Variants in PIEZO2 observed in about 807,000 individuals in gnomAD.
PIEZO2 encodes piezo type mechanosensitive ion channel component 2.
In PIEZO2, 172 loss-of-function variants were observed where a neutral mutation model predicts 337.3. The ratio of observed to expected loss-of-function variants is 0.51; its 90% confidence interval spans 0.45 to 0.58. The LOEUF is 0.58. Ranked by LOEUF, PIEZO2 falls within the 20% of genes least tolerant of loss-of-function variation. PIEZO2 has a pLI of 0.00. For missense variants in PIEZO2, 3,028 were observed against 3,391.3 expected (o/e 0.89, Z 2.66); for synonymous variants, 1,251 against 1,228.5 (o/e 1.02, Z -0.38).
chr18:10,733,089 G>A (rs1382980067), intron 35 of PIEZO2, among the ~76,000 whole-genome samples: 1 of 152,138 alleles, frequency 6.6e-6, no homozygotes, highest in Non-Finnish European at 1.5e-5. Context: ...GAGAGGAAAA[G>A]GGATGTGAAG....
At chr18:10,959,793 C>A (rs998526434) in intron 3 of PIEZO2, among the ~76,000 whole-genome samples, 1 of 152,138 alleles carries the variant, frequency 6.6e-6, no homozygotes, top group African/African-American at 2.4e-5. Flanking sequence ...TTATTTAACA[C>A]GCCTATAATA....
chr18:10,783,646 A>C lies in PIEZO2; in HGVS notation c.2492+1138T>G, dbSNP rs936621869. 2.0e-5 allele frequency among the ~76,000 whole-genome samples: 3 copies of C among 152,182 alleles called. No individual in the cohort carries two copies. Among genetic ancestry groups the C allele is most frequent in the Non-Finnish European group, 4.4e-5 (3 of 68,032 alleles). ...CTTGGGAGCAGAGAGGTTTTAGCAG[A>C]GCCTGATTTTCCTGGTGGCTAGATA... On this transcript the variant is annotated intron_variant, in intron 17 of 55. Transcript: ENST00000674853. This position sits in a 1 kb window ranked among gnomAD's most constrained non-coding sequence, Gnocchi z 4.3.
chr18:10,696,402 CA>C lies in PIEZO2; in HGVS notation c.6964del (p.Trp2322GlyfsTer27). On this transcript the variant is annotated frameshift_variant, in exon 46 of 56. Coordinates refer to ENST00000674853, the MANE Select transcript of PIEZO2 (RefSeq NM_001378183.1). LOFTEE classifies it high-confidence loss of function. ...VDFIIIVFGF[W>X]AFGKHSAAAD... Reference sequence around the variant, plus strand: ...TTTGCCCCAACCTACCCCAAAGGCCCAAAAGCCGAAGACAATGATGATGAAG... The same window carrying C: ...TTTGCCCCAACCTACCCCAAAGGCCCAAAGCCGAAGACAATGATGATGAAG... 1 of 1,614,166 alleles carries C rather than the reference CA, an allele frequency of 6.2e-7. No individual in the cohort carries two copies. The highest frequency in any genetic ancestry group is 8.5e-7 in the Non-Finnish European group (1 of 1,180,026).
At chr18:10,764,825 C>G (rs1219313263) in intron 21 of PIEZO2, among the ~76,000 whole-genome samples, 1 of 152,164 alleles carries the variant, frequency 6.6e-6, no homozygotes, top group Non-Finnish European at 1.5e-5. Context: ...CAAACCATAA[C>G]TCACTCATAA....
chr18:10,791,521 T>C, intron 13 of PIEZO2, 197 bp from the exon 14 acceptor site: 1 of 475,078 alleles, frequency 2.1e-6, no homozygotes, highest in South Asian at 2.9e-5. Context: ...GATGCTCCCA[T>C]GTTTGTGTTG....
chr18:10,805,947 C>G (rs575790376), intron 8 of PIEZO2, among the ~76,000 whole-genome samples: 1 of 152,372 alleles, frequency 6.6e-6, no homozygotes, highest in South Asian at 2.1e-4. Context: ...TGATTTACAA[C>G]CTGTTTGCTT....
At chr18:10,805,182 G>C (rs182505749) in intron 8 of PIEZO2, among the ~76,000 whole-genome samples, 262 of 152,300 alleles carry the variant, frequency 1.7e-3, no homozygotes, top group Non-Finnish European at 3.2e-3. Flanking sequence ...TTAATAACTA[G>C]AAAGCCTTAA....
chr18:10,871,124 C>G (rs548886808), intron 5 of PIEZO2, 129 bp downstream of exon 5: 1 of 986,376 alleles, frequency 1.0e-6, no homozygotes, highest in Admixed American at 2.9e-5. Flanking sequence ...TGACAGTAAA[C>G]GTTTATGTCA....
intron 3 of PIEZO2, among the ~76,000 whole-genome samples, chr18:10,919,870 C>G (rs1217342252): frequency 1.3e-5 from 2 of 151,826 alleles, no homozygotes; most frequent in East Asian, 3.8e-4. Flanking sequence ...CACACACACA[C>G]AGAGTAAGTT....
chr18:11,064,268 G>A (rs1193869265), intron 2 of PIEZO2, among the ~76,000 whole-genome samples: 1 of 152,128 alleles, frequency 6.6e-6, no homozygotes, highest in Non-Finnish European at 1.5e-5. Context: ...CATAAATGAG[G>A]TTATGTTGAA....
intron 4 of PIEZO2, among the ~76,000 whole-genome samples, chr18:10,900,369 T>A (rs1174309774): frequency 1.3e-5 from 2 of 152,200 alleles, no homozygotes; most frequent in Non-Finnish European, 2.9e-5. Context: ...TAGTATCACA[T>A]ACATGTAAAA....
chr18:10,789,106 C>T lies in PIEZO2; in HGVS notation c.2142G>A (p.Leu714=). 6.5e-7 allele frequency: 1 copy of T among 1,537,182 alleles called. No homozygotes were observed. ...IVMYKIIYMV[L]FLFCVALYQV... ...GGTATAGGGCCACACAGAACAGGAA[C>T]AGCACCATGTAGATGATTTTGTACA... Residue 714 remains leucine, a synonymous_variant, in exon 15 of 56, where the codon CTG becomes CTA. Transcript: ENST00000674853.
chr18:11,081,610 T>C (rs2038744096), intron 1 of PIEZO2, among the ~76,000 whole-genome samples: 1 of 152,160 alleles, frequency 6.6e-6, no homozygotes, highest in Non-Finnish European at 1.5e-5. Flanking sequence ...GGGACCGAGT[T>C]CCCAGTGCTA....
intron 3 of PIEZO2, among the ~76,000 whole-genome samples, chr18:10,971,465 C>T (rs1598762848): frequency 6.6e-6 from 1 of 152,172 alleles, no homozygotes; most frequent in East Asian, 1.9e-4. Flanking sequence ...TGACACAAGG[C>T]TGTGACAGGA....
At chr18:11,051,370 G>T (rs6505607) in intron 2 of PIEZO2, among the ~76,000 whole-genome samples, 31,965 of 96,736 alleles carry the variant, frequency 0.33, 4,016 homozygotes, top group East Asian at 0.61. Flanking sequence ...TGTGTGTGTG[G>T]GTGTGGGTGT....
At position 10,872,327 on chromosome 18, in the gene PIEZO2, T is replaced by A. The variant is rs1281465096; in HGVS notation, c.330-912A>T. On this transcript the variant is annotated intron_variant, in intron 4 of 55. Transcript: ENST00000674853. This position sits in a 1 kb window ranked among gnomAD's most constrained non-coding sequence, Gnocchi z 4.3. The stretch of plus-strand genomic sequence containing the variant: ...AGGCAGCAAAGGCCAGAAGGTGAAG[T>A]GGAGAGTAGAAAGGGCTTCAACTGG... Among the ~76,000 whole-genome samples the A allele has an allele frequency of 6.6e-6, 1 of 151,892 alleles. No individual in the cohort carries two copies. The highest frequency in any genetic ancestry group is 1.5e-5 in the Non-Finnish European group (1 of 67,946).
At chr18:10,756,402 C>T (rs1242289343) in intron 27 of PIEZO2, among the ~76,000 whole-genome samples, 9 of 119,854 alleles carry the variant, frequency 7.5e-5, no homozygotes, top group South Asian at 2.8e-4. Context: ...ATGAGGAGGA[C>T]GGATGGAAGA....
Position 11,105,290 on chromosome 18 carries a change from C to A in PIEZO2, c.65-39068G>T, listed in dbSNP as rs185302770. 6.6e-6 allele frequency among the ~76,000 whole-genome samples: 1 copy of A among 152,208 alleles called. No homozygotes were observed. On this transcript the variant is annotated intron_variant, in intron 1 of 55. Transcript: ENST00000674853. This position sits in a 1 kb window ranked among gnomAD's most constrained non-coding sequence, Gnocchi z 4.3. The stretch of plus-strand genomic sequence containing the variant: ...ATGGACTCACAACGCCCATTTGACA[C>A]ACTCAGTGCCTTGGCTGAAAGGGAA...
intron 3 of PIEZO2, among the ~76,000 whole-genome samples, chr18:10,916,570 G>A (rs868730659): frequency 2.5e-4 from 38 of 152,282 alleles, no homozygotes; most frequent in Middle Eastern, 3.4e-3. Flanking sequence ...CCAGCAGGCC[G>A]CTCTGAGTGT....
Sources: allele counts gnomAD v4.1 joint callset (sites outside exome capture counted in the v4.1 genomes callset), GRCh38; gene constraint gnomAD v4.1.1; non-coding constraint Gnocchi (gnomAD v3.1); transcripts MANE v1.5; gene names NCBI Gene and HGNC (gene_info 2026-07-23, HGNC 2026-07-21).